Variants in WWOX observed in about 807,000 individuals in gnomAD.
The protein encoded by WWOX is WW domain-containing oxidoreductase.
Under a neutral mutation model 46.2 loss-of-function variants are expected in WWOX, and 69 were observed. The observed-to-expected ratio is 1.49, with a 90% CI of 1.23 to 1.82. WWOX has a LOEUF of 1.82. WWOX is among the 40% of genes most tolerant of loss of function. WWOX has a pLI of 0.00. For synonymous variants in WWOX, 359 were observed against 202.6 expected (o/e 1.77, Z -6.56); for missense variants, 919 against 542.6 (o/e 1.69, Z -6.89).
chr16:79,003,053 C>G (rs573548793), intron 8 of WWOX, among the ~76,000 whole-genome samples: 1 of 152,168 alleles, frequency 6.6e-6, no homozygotes, highest in Non-Finnish European at 1.5e-5. Flanking sequence ...CAGCACATTT[C>G]AGGAGCAAGA....
chr16:78,330,978 A>G (rs1202886567), intron 5 of WWOX, among the ~76,000 whole-genome samples: 1 of 152,202 alleles, frequency 6.6e-6, no homozygotes, highest in Non-Finnish European at 1.5e-5. Context: ...GGAGCAGTCT[A>G]TTTATTCAGA....
At chr16:78,422,660 C>CATTTATATATATATATATAT (rs1388283094) in intron 6 of WWOX, among the ~76,000 whole-genome samples, 1 of 6,532 alleles carries the variant, frequency 1.5e-4, no homozygotes, top group Non-Finnish European at 5.8e-4. Context: ...GTTTTTTTTA[C>CATTTATATATATATATATAT]ATGTATATAT....
At chr16:78,442,212 C>T (rs774480942) in intron 8 of WWOX, among the ~76,000 whole-genome samples, 10 of 152,084 alleles carry the variant, frequency 6.6e-5, no homozygotes, top group Non-Finnish European at 1.5e-4. Context: ...TGTGAAATGA[C>T]TACCACAATC....
intron 8 of WWOX, among the ~76,000 whole-genome samples, chr16:78,910,354 C>G (rs1293655658): frequency 6.6e-6 from 1 of 151,918 alleles, no homozygotes; most frequent in Admixed American, 6.6e-5. Context: ...GCCCTGACAG[C>G]CTTTTCTGGA....
chr16:78,158,279 T>C (rs2034670899), intron 4 of WWOX, among the ~76,000 whole-genome samples: 1 of 152,192 alleles, frequency 6.6e-6, no homozygotes, highest in Non-Finnish European at 1.5e-5. Flanking sequence ...TAAACAATAA[T>C]TTATGGCCAT....
Position 78,798,060 on chromosome 16 carries a change from C to G in WWOX, c.1056+365308C>G, listed in dbSNP as rs140027434. Reference sequence around the variant, plus strand: ...ATCTTAGCCCATGGAATCCAGTCTTCTCCTTTTGTTTCTGGGGAAGCTGAG... The same window carrying G: ...ATCTTAGCCCATGGAATCCAGTCTTGTCCTTTTGTTTCTGGGGAAGCTGAG... On this transcript the variant is annotated intron_variant, in intron 8 of 8. Transcript: ENST00000566780. Among the ~76,000 whole-genome samples the G allele has an allele frequency of 3.4e-3, 518 of 152,300 alleles. 2 individuals are homozygous for G. Among genetic ancestry groups the G allele is most frequent in the South Asian group, 5.2e-3 (25 of 4,820 alleles).
At chr16:78,971,653 A>G (rs947015210) in intron 8 of WWOX, among the ~76,000 whole-genome samples, 1 of 151,928 alleles carries the variant, frequency 6.6e-6, no homozygotes, top group South Asian at 2.1e-4. Context: ...TATCCCTTAT[A>G]TTCCTTAGGG....
intron 8 of WWOX, among the ~76,000 whole-genome samples, chr16:79,068,266 A>G (rs181947658): frequency 1.3e-5 from 2 of 152,326 alleles, no homozygotes; most frequent in African/African-American, 4.8e-5. Context: ...GACTGTGTCA[A>G]GCACTTCCCA....
chr16:78,440,886 G>T (rs1348789624), intron 8 of WWOX, among the ~76,000 whole-genome samples: 1 of 152,014 alleles, frequency 6.6e-6, no homozygotes, highest in African/African-American at 2.4e-5. Context: ...TCCAAAGTGT[G>T]GTGGGATTCC....
At chr16:78,773,605 G>A (rs918487462) in intron 8 of WWOX, among the ~76,000 whole-genome samples, 2 of 152,186 alleles carry the variant, frequency 1.3e-5, no homozygotes, top group Admixed American at 1.3e-4. Context: ...GGTGGAATGA[G>A]AAGTTATAAT....
At chr16:78,204,796 A>G (rs1317296014) in intron 5 of WWOX, among the ~76,000 whole-genome samples, 1 of 152,204 alleles carries the variant, frequency 6.6e-6, no homozygotes. Flanking sequence ...GATGAGCCTC[A>G]TATTGCATAG....
At chr16:78,434,270 C>T (rs2083288936) in intron 8 of WWOX, among the ~76,000 whole-genome samples, 1 of 152,142 alleles carries the variant, frequency 6.6e-6, no homozygotes, top group Non-Finnish European at 1.5e-5. Flanking sequence ...AATGGTGTTC[C>T]ATGCCGCAGG....
chr16:78,359,358 G>A (rs777678667), intron 5 of WWOX, among the ~76,000 whole-genome samples: 13 of 152,126 alleles, frequency 8.5e-5, no homozygotes, highest in Non-Finnish European at 1.9e-4. Flanking sequence ...AATTAGTAAT[G>A]TAGCATATAC....
intron 5 of WWOX, among the ~76,000 whole-genome samples, chr16:78,382,057 T>A (rs1372623293): frequency 6.6e-6 from 1 of 152,182 alleles, no homozygotes; most frequent in African/African-American, 2.4e-5. Context: ...ATGGCCCATA[T>A]TCATATGTCT....
chr16:78,680,212 C>G (rs1423259847), intron 8 of WWOX, among the ~76,000 whole-genome samples: 3 of 152,208 alleles, frequency 2.0e-5, no homozygotes, highest in East Asian at 1.9e-4. Flanking sequence ...GAGTTCGAGA[C>G]CAGCCTGAGC....
At chr16:78,571,547 G>A (rs1045616833) in intron 8 of WWOX, among the ~76,000 whole-genome samples, 2 of 152,214 alleles carry the variant, frequency 1.3e-5, no homozygotes, top group African/African-American at 4.8e-5. Context: ...CCATATTATC[G>A]AAAGGATGTT....
intron 8 of WWOX, among the ~76,000 whole-genome samples, chr16:78,771,259 G>C (rs569518072): frequency 7.9e-5 from 12 of 152,186 alleles, no homozygotes; most frequent in Non-Finnish European, 1.5e-4. Flanking sequence ...ATTGGTAAGG[G>C]ATAGGTGGTG....
intron 8 of WWOX, among the ~76,000 whole-genome samples, chr16:78,711,858 CACA>C (rs2048451182): frequency 6.6e-6 from 1 of 152,146 alleles, no homozygotes; most frequent in Admixed American, 6.5e-5. Context: ...ATTCCGTAAA[CACA>C]TCTTACAAAT....
intron 8 of WWOX, among the ~76,000 whole-genome samples, chr16:78,444,516 G>A (rs2083514104): frequency 6.6e-6 from 1 of 151,542 alleles, no homozygotes; most frequent in Non-Finnish European, 1.5e-5. Flanking sequence ...ATACAGTTAT[G>A]GGATGAGGAG....
Sources: allele counts gnomAD v4.1 joint callset (sites outside exome capture counted in the v4.1 genomes callset), GRCh38; gene constraint gnomAD v4.1.1; transcripts MANE v1.5; gene names NCBI Gene and HGNC (gene_info 2026-07-23, HGNC 2026-07-21).